EYA2: variants seen among roughly 807,000 people sequenced by gnomAD.
EYA2 encodes protein phosphatase EYA2.
In EYA2, 31 loss-of-function variants were observed where a neutral mutation model predicts 69.2. That is an observed-to-expected ratio of 0.45 (90% CI 0.34 to 0.60). The LOEUF is 0.60. Ranked by LOEUF, EYA2 falls within the 20% of genes least tolerant of loss-of-function variation. The pLI is 0.02. For missense variants in EYA2, 622 were observed against 701.2 expected (o/e 0.89, Z 1.28); for synonymous variants, 257 against 279.4 (o/e 0.92, Z 0.80).
Position 47,004,859 on chromosome 20 carries a change from A to C in EYA2, c.156-83A>C, listed in dbSNP as rs772900139. 4 of 1,588,716 alleles carry C rather than the reference A, an allele frequency of 2.5e-6. No homozygotes were observed. In the East Asian group the frequency reaches 8.9e-5, roughly 35 times the overall value. ...TCTGGAAAGAGTAGAACCCCAAAGA[A>C]AAATGGGGGTGTTGATATCAAGATA... On this transcript the variant is annotated intron_variant, in intron 3 of 15. Coordinates refer to ENST00000327619, the MANE Select transcript of EYA2 (RefSeq NM_005244.5).
At chr20:46,943,805 C>T (rs1410693195) in intron 1 of EYA2, among the ~76,000 whole-genome samples, 1 of 152,180 alleles carries the variant, frequency 6.6e-6, no homozygotes, top group East Asian at 1.9e-4. Context: ...TGTTTTGTTG[C>T]CTCATTTGTG....
chr20:47,134,919 A>G (rs1805954769), intron 9 of EYA2, among the ~76,000 whole-genome samples: 1 of 151,958 alleles, frequency 6.6e-6, no homozygotes, highest in African/African-American at 2.4e-5. Context: ...TGAGGTCAGG[A>G]GATCAAGACC....
intron 1 of EYA2, among the ~76,000 whole-genome samples, chr20:46,968,020 T>C (rs1156698295): frequency 6.6e-6 from 1 of 152,172 alleles, no homozygotes; most frequent in East Asian, 1.9e-4. Flanking sequence ...ATATGGGGGA[T>C]GGCTGCTGGA....
chr20:47,025,463 T>G (rs1312032743), intron 5 of EYA2, among the ~76,000 whole-genome samples: 1 of 152,246 alleles, frequency 6.6e-6, no homozygotes, highest in African/African-American at 2.4e-5. Flanking sequence ...GCTATATACC[T>G]TGGAAAGAAC....
rs1190877751 is a variant in EYA2, at chr20:47,169,062, G to A, written c.979-77G>A. On this transcript the variant is annotated intron_variant, in intron 10 of 15. Transcript: ENST00000327619. ...GCTCATCCCAGCCCTCAGCTTATGA[G>A]GCCAACCCTTGAAGGCTACATCAGA... The A allele has an allele frequency of 8.5e-6, 12 of 1,412,102 alleles. No homozygotes were observed. The South Asian group carries it at 1.0e-4, about 12-fold the overall frequency. The allele number at this position is 1,412,102 out of a possible 1,614,324, so 87.5% of individuals were successfully genotyped here. A position where few individuals can be genotyped will look rare whatever the true frequency, so the allele number is the denominator to read the frequency against.
At chr20:47,162,033 C>T (rs1006730011) in intron 10 of EYA2, among the ~76,000 whole-genome samples, 6 of 152,084 alleles carry the variant, frequency 3.9e-5, no homozygotes, top group Admixed American at 1.3e-4. Flanking sequence ...AGAATCTTTT[C>T]CTTGCCTTTC....
chr20:47,170,167 C>T (rs1210445595), intron 11 of EYA2, among the ~76,000 whole-genome samples: 1 of 151,990 alleles, frequency 6.6e-6, no homozygotes, highest in Non-Finnish European at 1.5e-5. Flanking sequence ...CTCAGCCTCC[C>T]AGAGTGCTGG....
intron 7 of EYA2, among the ~76,000 whole-genome samples, chr20:47,075,561 T>C (rs2031485327): frequency 1.3e-5 from 2 of 152,112 alleles, no homozygotes; most frequent in African/African-American, 4.8e-5. Context: ...GAATATGTTA[T>C]CTAAAATCCG....
intron 1 of EYA2, among the ~76,000 whole-genome samples, chr20:46,974,244 A>G (rs528679027): frequency 6.6e-6 from 1 of 152,326 alleles, no homozygotes; most frequent in Admixed American, 6.5e-5. Flanking sequence ...TCAGAGCTTC[A>G]TGGGGGCACA....
chr20:46,946,600 T>C (rs1441637930), intron 1 of EYA2, among the ~76,000 whole-genome samples: 1 of 152,210 alleles, frequency 6.6e-6, no homozygotes, highest in Non-Finnish European at 1.5e-5. Flanking sequence ...AAACATTTTC[T>C]GTAAAGGACC....
At chr20:47,153,469 C>T (rs1016729928) in intron 10 of EYA2, among the ~76,000 whole-genome samples, 8 of 151,336 alleles carry the variant, frequency 5.3e-5, no homozygotes, top group African/African-American at 1.7e-4. Flanking sequence ...GACAAAACCC[C>T]ATATCTTCAA....
intron 8 of EYA2, among the ~76,000 whole-genome samples, chr20:47,091,791 T>A (rs2032095120): frequency 6.6e-6 from 1 of 152,052 alleles, no homozygotes; most frequent in Admixed American, 6.5e-5. Context: ...ATGAATTTAC[T>A]AGGAAAGGAC....
rs374266262 is a variant in EYA2, at chr20:47,113,856, G to GC, written c.888+16688_888+16689insC. Among the ~76,000 whole-genome samples the GC allele has an allele frequency of 2.4e-3, 356 of 147,716 alleles. 4 individuals are homozygous for GC. Among genetic ancestry groups the GC allele is most frequent in the African/African-American group, 8.4e-3 (337 of 40,160 alleles). On this transcript the variant is annotated intron_variant, in intron 9 of 15. Coordinates refer to ENST00000327619, the MANE Select transcript of EYA2 (RefSeq NM_005244.5). ...GAGCCCACATCAAATTCCTAGATGG[G>GC]TTTTTTTTTTTTGTGGATATGCTGT...
intron 5 of EYA2, among the ~76,000 whole-genome samples, chr20:47,037,248 G>A (rs1338158979): frequency 6.6e-6 from 1 of 152,144 alleles, no homozygotes; most frequent in African/African-American, 2.4e-5. Context: ...GGGGATTATG[G>A]GGATTGAGGA....
At chr20:47,088,747 A>T (rs1050427330) in intron 7 of EYA2, among the ~76,000 whole-genome samples, 1 of 152,066 alleles carries the variant, frequency 6.6e-6, no homozygotes, top group Non-Finnish European at 1.5e-5. Context: ...CCACCACACG[A>T]GGTCAACTTT....
chr20:47,040,638 C>T (rs1432882551), intron 5 of EYA2, among the ~76,000 whole-genome samples: 2 of 152,224 alleles, frequency 1.3e-5, no homozygotes, highest in Admixed American at 1.3e-4. Context: ...CTAATCACAT[C>T]ACACGCATAG....
chr20:47,180,005 C>A, intron 13 of EYA2, 93 bp downstream of exon 13: 1 of 827,940 alleles, frequency 1.2e-6, no homozygotes, highest in Non-Finnish European at 2.0e-6. Flanking sequence ...GAGAATTGGA[C>A]TCCTCAAACT....
intron 6 of EYA2, among the ~76,000 whole-genome samples, chr20:47,073,286 G>A (rs2031383564): frequency 6.6e-6 from 1 of 152,124 alleles, no homozygotes; most frequent in Admixed American, 6.5e-5. Flanking sequence ...GGGATCGCTG[G>A]TCTGCTTAAA....
chr20:46,999,226 A>G (rs990483134), intron 2 of EYA2, among the ~76,000 whole-genome samples: 1 of 152,250 alleles, frequency 6.6e-6, no homozygotes, highest in Admixed American at 6.5e-5. Flanking sequence ...TCAGTAACTT[A>G]TGCAGTACTA....
Sources: gnomAD v4.1 joint callset for allele counts (sites outside exome capture counted in the v4.1 genomes callset) on GRCh38, gnomAD v4.1.1 for gene constraint, MANE v1.5 for transcripts, NCBI Gene and HGNC (gene_info 2026-07-23, HGNC 2026-07-21) for gene names.